EPHA6: variants seen among roughly 807,000 people sequenced by gnomAD.
EPHA6 encodes the protein EPH receptor A6.
Under a neutral mutation model 112.0 loss-of-function variants are expected in EPHA6, and 50 were observed. The observed-to-expected ratio is 0.45, with a 90% CI of 0.36 to 0.56. The LOEUF is 0.56. Ranked by LOEUF, EPHA6 falls within the 20% of genes least tolerant of loss-of-function variation. The pLI, the probability that EPHA6 is intolerant of heterozygous loss-of-function variation, is 0.00. For missense variants in EPHA6, 1,280 were observed against 1,417.4 expected (o/e 0.90, Z 1.56); for synonymous variants, 529 against 490.7 (o/e 1.08, Z -1.03).
At chr3:96,971,867 C>T (rs981048030) in intron 2 of EPHA6, among the ~76,000 whole-genome samples, 13 of 151,974 alleles carry the variant, frequency 8.6e-5, no homozygotes, top group African/African-American at 2.7e-4. Context: ...ATTTTATTTC[C>T]CTTTTTGGCT....
chr3:97,455,177 C>A (rs181414990), intron 7 of EPHA6, among the ~76,000 whole-genome samples: 109 of 151,982 alleles, frequency 7.2e-4, no homozygotes, highest in South Asian at 1.5e-3. Context: ...AAAAGAAATC[C>A]CTGCTTTATT....
At chr3:96,910,037 G>C (rs569158675) in intron 2 of EPHA6, among the ~76,000 whole-genome samples, 1 of 152,002 alleles carries the variant, frequency 6.6e-6, no homozygotes, top group African/African-American at 2.4e-5. Flanking sequence ...CCATTCTCTG[G>C]AAAACTCTGA....
chr3:96,934,629 G>C (rs567875815), intron 2 of EPHA6, among the ~76,000 whole-genome samples: 1 of 151,088 alleles, frequency 6.6e-6, no homozygotes, highest in Non-Finnish European at 1.5e-5. Context: ...TGGTGATTGG[G>C]TACAGGAATA....
intron 14 of EPHA6, among the ~76,000 whole-genome samples, chr3:97,680,452 A>G (rs1273540589): frequency 2.0e-5 from 3 of 152,218 alleles, no homozygotes; most frequent in African/African-American, 7.2e-5. Context: ...TGAGGGAGAC[A>G]TCTAATGTCA....
intron 5 of EPHA6, among the ~76,000 whole-genome samples, chr3:97,257,699 G>A (rs961928168): frequency 8.6e-5 from 13 of 151,930 alleles, no homozygotes; most frequent in Non-Finnish European, 1.5e-4. Context: ...GATAATATGG[G>A]TAGAAAAACT....
chr3:96,852,026 T>G (rs1010116328), intron 1 of EPHA6, among the ~76,000 whole-genome samples: 1 of 152,172 alleles, frequency 6.6e-6, no homozygotes, highest in Admixed American at 6.5e-5. Flanking sequence ...TTTTGTTTTT[T>G]TGAATTGACC....
chr3:97,471,344 T>C (rs1056679843), intron 7 of EPHA6, among the ~76,000 whole-genome samples: 1 of 151,748 alleles, frequency 6.6e-6, no homozygotes, highest in Non-Finnish European at 1.5e-5. Flanking sequence ...ATTACTTCTG[T>C]AATTTCTTAT....
intron 11 of EPHA6, among the ~76,000 whole-genome samples, chr3:97,577,555 A>T (rs2107263738): frequency 6.6e-6 from 1 of 152,122 alleles, no homozygotes; most frequent in Non-Finnish European, 1.5e-5. Context: ...ATTGTTTCCA[A>T]TTTTTATGCT....
chr3:97,500,147 G>T (rs1043727230), intron 10 of EPHA6, among the ~76,000 whole-genome samples: 2 of 151,950 alleles, frequency 1.3e-5, no homozygotes, highest in African/African-American at 4.8e-5. Context: ...ATGAGCTTAG[G>T]TCTACACAAG....
intron 3 of EPHA6, among the ~76,000 whole-genome samples, chr3:97,163,453 CT>C (rs1389386377): frequency 1.3e-5 from 2 of 152,142 alleles, no homozygotes; most frequent in Non-Finnish European, 2.9e-5. Flanking sequence ...TTATATTATA[CT>C]CTTACTATTC....
intron 5 of EPHA6, among the ~76,000 whole-genome samples, chr3:97,300,083 A>T (rs930197364): frequency 1.3e-5 from 2 of 152,198 alleles, no homozygotes; most frequent in African/African-American, 4.8e-5. Context: ...GAAATTAAGG[A>T]TTAACAAGTG....
At chr3:97,558,487 A>T (rs2093144918) in intron 11 of EPHA6, among the ~76,000 whole-genome samples, 1 of 151,864 alleles carries the variant, frequency 6.6e-6, no homozygotes, top group Non-Finnish European at 1.5e-5. Flanking sequence ...GTTATTTCCT[A>T]TCTCTCCCAA....
intron 10 of EPHA6, among the ~76,000 whole-genome samples, chr3:97,512,857 G>A (rs1413871240): frequency 1.3e-5 from 2 of 152,144 alleles, no homozygotes; most frequent in Admixed American, 6.6e-5. Context: ...GAGCTGCCGC[G>A]TCTGGCCCAA....
intron 1 of EPHA6, among the ~76,000 whole-genome samples, chr3:96,830,095 A>G (rs2033960405): frequency 6.6e-6 from 1 of 152,140 alleles, no homozygotes; most frequent in Non-Finnish European, 1.5e-5. Flanking sequence ...GAAAAGAACT[A>G]TAAATTTAAA....
intron 11 of EPHA6, among the ~76,000 whole-genome samples, chr3:97,560,230 G>T (rs974709323): frequency 6.6e-6 from 1 of 151,666 alleles, no homozygotes; most frequent in Admixed American, 6.6e-5. Context: ...ACAAAGAAAA[G>T]AAATTCCAGG....
intron 3 of EPHA6, among the ~76,000 whole-genome samples, chr3:97,160,952 G>T (rs751819152): frequency 3.9e-5 from 6 of 152,094 alleles, no homozygotes; most frequent in Non-Finnish European, 8.8e-5. Flanking sequence ...GGGACTCCCT[G>T]CCCATGAGGC....
At chr3:97,656,612 C>T (rs770238708) in intron 14 of EPHA6, among the ~76,000 whole-genome samples, 4 of 151,770 alleles carry the variant, frequency 2.6e-5, no homozygotes, top group Non-Finnish European at 5.9e-5. Context: ...TATTTTCCTA[C>T]CTGGCTATCC....
chr3:97,243,983 T>C lies in EPHA6; in HGVS notation c.1302T>C (p.Phe434=). The change falls in exon 5 of 18, where the codon TTT becomes TTC. Residue 434 remains phenylalanine (F), a synonymous_variant. Transcript: ENST00000389672. Reference sequence around the variant, plus strand: ...CTTCAGCTCCTAGGAATGTGGTTTTTAACATCAATGAAACAGCCCTTATTT... The same window carrying C: ...CTTCAGCTCCTAGGAATGTGGTTTTCAACATCAATGAAACAGCCCTTATTT... The part of the protein sequence containing the change: ...RPPSAPRNVV[F]NINETALILE... The C allele has an allele frequency of 3.1e-6, 5 of 1,611,158 alleles. No homozygotes were observed. Among genetic ancestry groups the C allele is most frequent in the Non-Finnish European group, 4.2e-6 (5 of 1,178,234 alleles).
chr3:97,413,077 G>C (rs963952202), intron 6 of EPHA6, among the ~76,000 whole-genome samples: 13 of 151,648 alleles, frequency 8.6e-5, no homozygotes, highest in African/African-American at 2.7e-4. Flanking sequence ...CTAAATTTCT[G>C]TTGTAGTTTG....
Sources: gnomAD v4.1 joint callset for allele counts (sites outside exome capture counted in the v4.1 genomes callset) on GRCh38, gnomAD v4.1.1 for gene constraint, MANE v1.5 for transcripts, NCBI Gene and HGNC (gene_info 2026-07-23, HGNC 2026-07-21) for gene names.